Variants in NRXN3 observed in about 807,000 individuals in gnomAD.
NRXN3 encodes the protein neurexin III.
Under a neutral mutation model 137.6 loss-of-function variants are expected in NRXN3, and 32 were observed. The observed-to-expected ratio is 0.23, with a 90% CI of 0.18 to 0.31. The LOEUF is 0.31. Among genes scored for constraint, NRXN3 ranks in the 10% least tolerant of loss-of-function variants. The pLI is 1.00. For missense variants in NRXN3, 1,574 were observed against 2,062.5 expected (o/e 0.76, Z 4.59); for synonymous variants, 798 against 784.5 (o/e 1.02, Z -0.29).
At chr14:79,386,489 G>A (rs2094622169) in intron 15 of NRXN3, among the ~76,000 whole-genome samples, 3 of 152,086 alleles carry the variant, frequency 2.0e-5, no homozygotes, top group South Asian at 2.1e-4. Flanking sequence ...ATGCTCATGG[G>A]TAGGAAGAAT....
Position 78,497,607 on chromosome 14 carries a change from CATCCATCCATCCATCCATCT to C in NRXN3, c.758-147505_758-147486del, listed in dbSNP as rs1352540913. On this transcript the variant is annotated intron_variant, in intron 4 of 20. Transcript: ENST00000335750. ...TCATCCATCCATCCATCCATCCATC[CATCCATCCATCCATCCATCT>C]ATCCATCTGTCCACCCATCTGTCTT... Among the ~76,000 whole-genome samples the C allele has an allele frequency of 9.2e-5, 14 of 152,130 alleles. 1 individual carries two copies. The East Asian group carries it at 2.7e-3, about 29-fold the overall frequency.
chr14:79,299,145 C>A (rs1196329739), intron 15 of NRXN3, among the ~76,000 whole-genome samples: 1 of 152,144 alleles, frequency 6.6e-6, no homozygotes, highest in African/African-American at 2.4e-5. Flanking sequence ...CTTTTTAAGC[C>A]AGGGATTTAC....
chr14:78,794,485 A>G (rs889358110), intron 8 of NRXN3, among the ~76,000 whole-genome samples: 3 of 152,206 alleles, frequency 2.0e-5, no homozygotes, highest in African/African-American at 7.2e-5. Context: ...GGAAGGTAGT[A>G]CCTCATAAAA....
intron 4 of NRXN3, among the ~76,000 whole-genome samples, chr14:78,622,918 G>A (rs186277917): frequency 8.5e-5 from 13 of 152,280 alleles, no homozygotes; most frequent in African/African-American, 3.1e-4. Context: ...GACTTAAAGT[G>A]CAATTTTTAA....
chr14:79,412,029 A>G (rs2095424050), intron 15 of NRXN3, among the ~76,000 whole-genome samples: 1 of 152,124 alleles, frequency 6.6e-6, no homozygotes, highest in Admixed American at 6.6e-5. Flanking sequence ...AGTATAATTG[A>G]CATGGGATCC....
intron 16 of NRXN3, among the ~76,000 whole-genome samples, chr14:79,513,245 G>A (rs559261288): frequency 2.6e-4 from 39 of 152,268 alleles, no homozygotes; most frequent in East Asian, 7.7e-4. Context: ...TTCTTGACTC[G>A]TGCAGTAATG....
chr14:78,598,026 C>T (rs964857520), intron 4 of NRXN3, among the ~76,000 whole-genome samples: 2 of 152,194 alleles, frequency 1.3e-5, no homozygotes, highest in African/African-American at 4.8e-5. Flanking sequence ...CAGCTCTGGG[C>T]CACCTTGAAG....
At chr14:79,581,404 T>TC (rs1306864516) in intron 16 of NRXN3, among the ~76,000 whole-genome samples, 3 of 152,158 alleles carry the variant, frequency 2.0e-5, no homozygotes, top group Non-Finnish European at 4.4e-5. Context: ...GTTTTAAATT[T>TC]CCCAAGTTCT....
At chr14:78,785,441 G>GCTGGT (rs1380483658) in intron 8 of NRXN3, among the ~76,000 whole-genome samples, 4 of 152,276 alleles carry the variant, frequency 2.6e-5, no homozygotes, top group Non-Finnish European at 5.9e-5. Context: ...TATTTCTCAG[G>GCTGGT]CTGGTGTGCC....
At chr14:79,573,903 A>T (rs977230231) in intron 16 of NRXN3, among the ~76,000 whole-genome samples, 1 of 152,134 alleles carries the variant, frequency 6.6e-6, no homozygotes, top group Non-Finnish European at 1.5e-5. Flanking sequence ...TGATAACAAG[A>T]TATATTATTA....
intron 20 of NRXN3, among the ~76,000 whole-genome samples, chr14:79,826,271 G>A (rs4903880): frequency 0.31 from 46,945 of 152,016 alleles, 7,944 homozygotes; most frequent in Admixed American, 0.43. Flanking sequence ...GAGATTACAG[G>A]CATGAGCCGC....
intron 4 of NRXN3, among the ~76,000 whole-genome samples, chr14:78,354,422 C>G (rs1183975181): frequency 6.6e-6 from 1 of 152,188 alleles, no homozygotes; most frequent in Non-Finnish European, 1.5e-5. Context: ...TTGTCCCAGC[C>G]TCTCCCATCT....
chr14:79,135,646 G>T (rs1001924381), intron 15 of NRXN3, among the ~76,000 whole-genome samples: 3 of 152,194 alleles, frequency 2.0e-5, no homozygotes, highest in African/African-American at 7.2e-5. Flanking sequence ...GAGGACAGTT[G>T]TTGACTCTCA....
chr14:78,295,218 T>C (rs1469416688), intron 3 of NRXN3, among the ~76,000 whole-genome samples: 2 of 152,172 alleles, frequency 1.3e-5, no homozygotes, highest in African/African-American at 4.8e-5. Flanking sequence ...TATGGTTACA[T>C]GGTTTCTCCC....
chr14:78,499,567 A>G (rs2095847459), intron 4 of NRXN3, among the ~76,000 whole-genome samples: 1 of 152,156 alleles, frequency 6.6e-6, no homozygotes, highest in African/African-American at 2.4e-5. Context: ...AAAGCATCAC[A>G]CATTTATTAT....
At chr14:79,784,614 C>CTTTTTTTTTTTTTTT (rs540234381) in intron 19 of NRXN3, among the ~76,000 whole-genome samples, 12 of 76,586 alleles carry the variant, frequency 1.6e-4, no homozygotes, top group South Asian at 5.5e-4. Context: ...TGTTGTGTTG[C>CTTTTTTTTTTTTTTT]TTTTTTTTTT....
chr14:78,817,066 A>G (rs1230024951), intron 10 of NRXN3, among the ~76,000 whole-genome samples: 1 of 152,230 alleles, frequency 6.6e-6, no homozygotes, highest in African/African-American at 2.4e-5. Flanking sequence ...AATATGTTAT[A>G]GTAATTTTGT....
chr14:79,250,162 TAGTA>T (rs1328740683), intron 15 of NRXN3, among the ~76,000 whole-genome samples: 2 of 152,098 alleles, frequency 1.3e-5, no homozygotes, highest in African/African-American at 4.8e-5. Flanking sequence ...ATAGTAAAAA[TAGTA>T]AGTGTGTATT....
intron 15 of NRXN3, among the ~76,000 whole-genome samples, chr14:79,274,438 T>A (rs1474639400): frequency 6.6e-6 from 1 of 152,240 alleles, no homozygotes; most frequent in Admixed American, 6.5e-5. Flanking sequence ...CTCATTTTAT[T>A]TGATTCCCTA....
Sources: gnomAD v4.1 joint callset for allele counts (sites outside exome capture counted in the v4.1 genomes callset) on GRCh38, gnomAD v4.1.1 for gene constraint, MANE v1.5 for transcripts, NCBI Gene and HGNC (gene_info 2026-07-23, HGNC 2026-07-21) for gene names.